The following RIF1 variants were observed in gnomAD, a reference collection of about 807,000 sequenced individuals.
RIF1 encodes the protein replication timing regulatory factor 1.
In RIF1, 45 loss-of-function variants were observed where a neutral mutation model predicts 247.1. That is an observed-to-expected ratio of 0.18 (90% CI 0.14 to 0.23). RIF1 has a LOEUF of 0.23. Ranked by LOEUF, RIF1 falls within the 10% of genes least tolerant of loss-of-function variation. The pLI is 1.00. For missense variants in RIF1, 2,967 were observed against 2,862.5 expected, an observed-to-expected ratio of 1.04 and a Z score of -0.83; for synonymous variants, 1,087 against 978.8, an observed-to-expected ratio of 1.11 and a Z score of -2.06.
chr2:151,492,307 G>A, intron 9 of RIF1: 1 of 1,604,308 alleles, frequency 6.2e-7, no homozygotes, highest in Non-Finnish European at 8.5e-7. Context: ...TTTGCTTTAT[G>A]AAAATATGAT....
chr2:151,527,454 C>T, the RIF1 span: 4 of 1,528,394 alleles, frequency 2.6e-6, no homozygotes, highest in South Asian at 3.4e-5. Flanking sequence ...TATGCAGTTA[C>T]AATCGTCTGT....
At chr2:151,499,321 G>T in intron 10 of RIF1, 1 of 1,533,070 alleles carries the variant, frequency 6.5e-7, no homozygotes, top group Non-Finnish European at 8.8e-7. Flanking sequence ...TCTTGATTGT[G>T]TTTGACTCTC....
chr2:151,456,766 C>T (rs1695261759), intron 23 of RIF1, 146 bp downstream of exon 23: 3 of 504,920 alleles, frequency 5.9e-6, no homozygotes, highest in Non-Finnish European at 1.0e-5. Flanking sequence ...GCATTTTGCT[C>T]TTGTCACCCA....
intron 33 of RIF1, among the ~76,000 whole-genome samples, chr2:151,469,385 G>T (rs1697446374): frequency 1.3e-5 from 2 of 152,166 alleles, no homozygotes; most frequent in Admixed American, 6.5e-5. Context: ...TAATGATGCA[G>T]TAATATGTAT....
intron 11 of RIF1, chr2:151,499,541 G>A (rs1461695925): frequency 1.9e-6 from 1 of 525,118 alleles, no homozygotes; most frequent in Non-Finnish European, 3.4e-6. Context: ...ACAGATCTGG[G>A]TGAGAACATG....
chr2:151,512,708 G>A, downstream of RIF1: 1 of 1,503,636 alleles, frequency 6.7e-7, no homozygotes, highest in Non-Finnish European at 9.3e-7. Context: ...GGGTTTATGA[G>A]TGATGGCATG....
chr2:151,531,732 C>T, the RIF1 span: 41 of 1,273,084 alleles, frequency 3.2e-5, no homozygotes, highest in South Asian at 3.4e-4. Context: ...TTAAAATGCC[C>T]CTCCATGTTT....
At chr2:151,526,757 G>T in the RIF1 span, among the ~76,000 whole-genome samples, 10 of 152,134 alleles carry the variant, frequency 6.6e-5, no homozygotes, top group Non-Finnish European at 1.5e-4. Context: ...TGCCCTGCTT[G>T]ACTGCTGGCG....
At chr2:151,447,352 G>A (rs1693498658) in intron 20 of RIF1, among the ~76,000 whole-genome samples, 1 of 152,172 alleles carries the variant, frequency 6.6e-6, no homozygotes, top group Non-Finnish European at 1.5e-5. Context: ...ATTGATCCTT[G>A]CATATGCATT....
Position 151,457,823 on chromosome 2 carries a change from T to C in RIF1, c.2715T>C (p.Asp905=), listed in dbSNP as rs568881360. 22 of 1,613,800 alleles carry C rather than the reference T, an allele frequency of 1.4e-5. No homozygotes were observed. Among genetic ancestry groups the C allele is most frequent in the Non-Finnish European group, 1.9e-5 (22 of 1,179,890 alleles). Residue 905 remains aspartate (D), a synonymous_variant, in exon 24 of 36, where the codon GAT becomes GAC. Coordinates refer to ENST00000444746, the MANE Select transcript of RIF1 (RefSeq NM_018151.5). The part of the protein sequence containing the change: ...CLQFSYTGTY[D]SELLEQLSPL... ...AATTCAGCTACACCGGAACTTATGATAGTGAACTTCTTGAACAACTCTCCC... is the reference window on the plus strand; with the variant it reads ...AATTCAGCTACACCGGAACTTATGACAGTGAACTTCTTGAACAACTCTCCC...
chr2:151,410,042 A>C lies in RIF1; in HGVS notation c.-11+9A>C, dbSNP rs1158804356. Reference sequence around the variant, plus strand: ...TGTCCTGATCTTCCTAGGTGGGATAAATATCGGGGTGACAGTGGTAGGCCG... The same window carrying C: ...TGTCCTGATCTTCCTAGGTGGGATACATATCGGGGTGACAGTGGTAGGCCG... On this transcript the variant is annotated intron_variant, in intron 1 of 35. Transcript: ENST00000444746. 3 of 702,862 alleles carry C rather than the reference A, an allele frequency of 4.3e-6. No individual in the cohort carries two copies. Among genetic ancestry groups the C allele is most frequent in the Non-Finnish European group, 7.8e-6 (3 of 384,896 alleles). 43.5% of individuals were successfully genotyped at this position (702,862 alleles called of 1,614,324 possible).
At chr2:151,467,941 T>A in intron 30 of RIF1, 59 bp from the exon 31 acceptor site, 1 of 1,501,456 alleles carries the variant, frequency 6.7e-7, no homozygotes, top group East Asian at 2.3e-5. Context: ...TGAAAATTTA[T>A]GGTGTAATTT....
At chr2:151,415,012 C>T in intron 4 of RIF1, 93 bp downstream of exon 4, 1 of 770,954 alleles carries the variant, frequency 1.3e-6, no homozygotes, top group Non-Finnish European at 2.1e-6. Flanking sequence ...ACTGTTATGT[C>T]TGGATTAGTT....
rs1289143121 is a variant in RIF1, at chr2:151,490,523, G to A, written c.*416-4706G>A. ...GGCTCCGGCGCTGAGCTTGGACTGG[G>A]AGAGATGCAGTTGGGGGAGATGTAG... is the stretch of plus-strand genomic sequence containing the variant. On this transcript the variant is annotated intron_variant and NMD_transcript_variant, in intron 9 of 13. Coordinates refer to the RIF1 transcript ENST00000454583. The A allele has an allele frequency of 6.2e-7, 1 of 1,607,904 alleles. No individual in the cohort carries two copies. The highest frequency in any genetic ancestry group is 8.5e-7 in the Non-Finnish European group (1 of 1,177,116).
At chr2:151,411,503 A>G (rs567687651) in intron 3 of RIF1, among the ~76,000 whole-genome samples, 165 bp downstream of exon 3, 1 of 152,200 alleles carries the variant, frequency 6.6e-6, no homozygotes, top group African/African-American at 2.4e-5. Context: ...CTCGGGTTCA[A>G]GCGATTCTCT....
intron 9 of RIF1, chr2:151,492,313 A>G: frequency 6.2e-7 from 1 of 1,602,950 alleles, no homozygotes; most frequent in Non-Finnish European, 8.5e-7. Flanking sequence ...TTATGAAAAT[A>G]TGATGGTGTG....
At chr2:151,434,181 A>AAG (rs890005475) in intron 10 of RIF1, among the ~76,000 whole-genome samples, 2 of 147,318 alleles carry the variant, frequency 1.4e-5, no homozygotes, top group African/African-American at 5.4e-5. Flanking sequence ...AAAAAAAAAA[A>AAG]AGAGAGAAAT....
chr2:151,423,648 AT>A (rs1443641780), intron 8 of RIF1: 1 of 152,280 alleles, frequency 6.6e-6, no homozygotes, highest in African/African-American at 2.4e-5. Context: ...CTAACCCTGT[AT>A]TTCCCATGGG....
Position 151,469,881 on chromosome 2 carries a change from T to G in RIF1, c.7095+17T>G. Reference sequence around the variant, plus strand: ...GAGCAGCAGGTAAAAACTTAGATATTAGCTATGATGTATATTAATAAATGA... The same window carrying G: ...GAGCAGCAGGTAAAAACTTAGATATGAGCTATGATGTATATTAATAAATGA... On this transcript the variant is annotated intron_variant, in intron 34 of 35. Transcript: ENST00000444746. The G allele has an allele frequency of 6.4e-7, 1 of 1,565,534 alleles. No homozygotes were observed. Among genetic ancestry groups the G allele is most frequent in the Non-Finnish European group, 8.7e-7 (1 of 1,149,092 alleles).
Sources: gnomAD v4.1 joint callset for allele counts (sites outside exome capture counted in the v4.1 genomes callset) on GRCh38, gnomAD v4.1.1 for gene constraint, MANE v1.5 for transcripts, NCBI Gene and HGNC (gene_info 2026-07-23, HGNC 2026-07-21) for gene names.